CDKN2AIPNL: variants seen among roughly 807,000 people sequenced by gnomAD.
The protein encoded by CDKN2AIPNL is XRN2 binding domain containing 1.
In CDKN2AIPNL, 9 loss-of-function variants were observed where a neutral mutation model predicts 12.9. The ratio of observed to expected loss-of-function variants is 0.70; its 90% CI spans 0.42 to 1.22. The LOEUF is 1.22. CDKN2AIPNL is among the 50% of genes most tolerant of loss of function. CDKN2AIPNL has a pLI of 0.00. For synonymous variants in CDKN2AIPNL, 53 were observed against 61.7 expected, an observed-to-expected ratio of 0.86 and a Z score of 0.66; for missense variants, 143 against 153.6, an observed-to-expected ratio of 0.93 and a Z score of 0.37.
At chr5:134,403,399 T>A (rs1237842708) in intron 2 of CDKN2AIPNL, among the ~76,000 whole-genome samples, 1 of 152,258 alleles carries the variant, frequency 6.6e-6, no homozygotes, top group African/African-American at 2.4e-5. Context: ...CAAATAGTGG[T>A]GAAATGAAGC....
At chr5:134,404,518 A>G (rs1446238510) in intron 2 of CDKN2AIPNL, among the ~76,000 whole-genome samples, 1 of 152,066 alleles carries the variant, frequency 6.6e-6, no homozygotes, top group Non-Finnish European at 1.5e-5. Context: ...GTTGCAACAA[A>G]AGTCTCACTA....
At chr5:134,408,440 C>A (rs1055178740) in intron 2 of CDKN2AIPNL, among the ~76,000 whole-genome samples, 3 of 146,404 alleles carry the variant, frequency 2.0e-5, no homozygotes, top group Non-Finnish European at 3.0e-5. Flanking sequence ...GAGGCCGAGG[C>A]GGGCGGATCA....
At chr5:134,410,794 C>G in intron 1 of CDKN2AIPNL, 3 of 556,936 alleles carry the variant, frequency 5.4e-6, no homozygotes, top group Non-Finnish European at 9.6e-6. Flanking sequence ...TGACCAGAGT[C>G]AGGCAGCCAT....
chr5:134,403,095 T>C (rs1259305294), intron 2 of CDKN2AIPNL, among the ~76,000 whole-genome samples, 169 bp from the exon 3 acceptor site: 1 of 152,230 alleles, frequency 6.6e-6, no homozygotes, highest in African/African-American at 2.4e-5. Flanking sequence ...CAGCAAAACA[T>C]TGACCACAGC....
At chr5:134,410,905 C>A in intron 1 of CDKN2AIPNL, 1 of 645,462 alleles carries the variant, frequency 1.5e-6, no homozygotes, top group Non-Finnish European at 2.8e-6. Flanking sequence ...GATTTGCCAC[C>A]TTCCTCATGG....
At chr5:134,403,821 T>C (rs149916213) in intron 2 of CDKN2AIPNL, among the ~76,000 whole-genome samples, 2,012 of 152,306 alleles carry the variant, frequency 0.013, 29 homozygotes, top group African/African-American at 0.043. Flanking sequence ...AGATGGGGTT[T>C]CACCATTTTG....
chr5:134,411,673 A>T lies in CDKN2AIPNL; in HGVS notation c.182T>A (p.Leu61Gln), dbSNP rs1379407061. 6.2e-7 allele frequency: 1 copy of T among 1,613,028 alleles called. No individual in the cohort carries two copies. The highest frequency in any genetic ancestry group is 8.5e-7 in the Non-Finnish European group (1 of 1,179,782). ...YRDPPDGSGR[L>Q]DQLLSLSMVW... is the part of the protein sequence containing the mutation. ...CATGGAGAGGGAGAGCAGCTGGTCC[A>T]GGCGGCCACTGCCGTCGGGCGGGTC... The change falls in exon 1 of 3, where the codon CTG (leucine) becomes CAG (glutamine). Residue 61 changes from leucine (L) to glutamine (Q), a missense_variant. Physicochemically the swap from Leu to Gln is moderately radical, Grantham distance 113 (BLOSUM62 -2). Coordinates refer to ENST00000458198, the MANE Select transcript of CDKN2AIPNL (RefSeq NM_080656.3).
rs1162195298 is a variant in CDKN2AIPNL at position 134,402,326 on chromosome 5, C to T, written c.*589G>A. On this transcript the variant is annotated 3_prime_UTR_variant, in exon 3 of 3. Transcript: ENST00000458198. ...TGTTGGCCAGGCTGGTCTCAAACTC[C>T]TAACCTCAGGTGATCTGCTCACCTC... is the stretch of plus-strand genomic sequence containing the variant. The T allele has an allele frequency of 6.6e-6, 1 of 152,124 alleles. No individual in the cohort carries two copies. The highest frequency in any genetic ancestry group is 2.4e-5 in the African/African-American group (1 of 41,420). 9.4% of individuals were successfully genotyped at this position (152,124 alleles called of 1,614,324 possible). A position where few individuals can be genotyped will look rare whatever the true frequency, so the allele number is the denominator to read the frequency against.
rs1759174315 is a variant in CDKN2AIPNL, at chr5:134,410,405, G to GT, written c.240-404dup. 2 of 164,576 alleles carry GT rather than the reference G, an allele frequency of 1.2e-5. 1 individual carries two copies. The allele number at this position is 164,576 out of a possible 1,614,324, so 10.2% of individuals were successfully genotyped here. A position where few individuals can be genotyped will look rare whatever the true frequency, so the allele number is the denominator to read the frequency against. ...CTCCCAAAGTGCTAGGATTACTGGC[G>GT]TGAGACACCGTGCCTGGCCCTGTGA... On this transcript the variant is annotated intron_variant, in intron 1 of 2. Transcript: ENST00000458198.
chr5:134,410,883 A>G (rs768116344), intron 1 of CDKN2AIPNL: 10 of 632,666 alleles, frequency 1.6e-5, no homozygotes, highest in Non-Finnish European at 2.8e-5. Flanking sequence ...GCTCTCTAAT[A>G]GGGAGTCTCA....
At chr5:134,411,539 T>G in intron 1 of CDKN2AIPNL, 77 bp downstream of exon 1, 1 of 1,303,842 alleles carries the variant, frequency 7.7e-7, no homozygotes. Context: ...GAGGTTCGGG[T>G]CAGGGGTGAG....
At chr5:134,411,297 T>G (rs922125616) in intron 1 of CDKN2AIPNL, among the ~76,000 whole-genome samples, 2 of 152,160 alleles carry the variant, frequency 1.3e-5, no homozygotes, top group African/African-American at 4.8e-5. Flanking sequence ...ACTGCAAAGG[T>G]GATGGTTTGA....
At position 134,411,832 on chromosome 5, in the gene CDKN2AIPNL, G is replaced by A. The variant is rs749977806; in HGVS notation, c.23C>T (p.Ala8Val). ...CCCCGAAACCAGCTCCTCCACTGCG[G>A]CAGCCGCCTCGCCACCGACCATGGT... MVGGEAA[A>V]AVEELVSGVR... is the part of the protein sequence containing the mutation. Residue 8 changes from alanine (A) to valine (V), a missense_variant, in exon 1 of 3, where the codon GCC becomes GTC. Ala to Val is a moderately conservative substitution (Grantham distance 64). Transcript: ENST00000458198. 1 of 1,575,904 alleles carries A rather than the reference G, an allele frequency of 6.3e-7. No homozygotes were observed. The highest frequency in any genetic ancestry group is 8.6e-7 in the Non-Finnish European group (1 of 1,162,038).
Position 134,411,201 on chromosome 5 carries a change from T to C in CDKN2AIPNL, c.239+415A>G, listed in dbSNP as rs988834982. 2.1e-5 allele frequency: 14 copies of C among 669,990 alleles called. No individual in the cohort carries two copies. In the East Asian group the frequency reaches 3.5e-4, roughly 17 times the overall value. The allele number at this position is 669,990 out of a possible 1,614,324, so 41.5% of individuals were successfully genotyped here. On this transcript the variant is annotated intron_variant, in intron 1 of 2. Transcript: ENST00000458198. The stretch of plus-strand genomic sequence containing the variant: ...AGGTATATCACTTCTCTCCCTAAGC[T>C]TTTTCATCTGTAAAATGGGGATCTC...
intron 1 of CDKN2AIPNL, chr5:134,411,173 C>T: frequency 1.4e-6 from 1 of 698,898 alleles, no homozygotes; most frequent in South Asian, 1.5e-5. Flanking sequence ...GCTGCATGGC[C>T]CCAGGTATAT....
intron 2 of CDKN2AIPNL, among the ~76,000 whole-genome samples, chr5:134,406,412 C>T (rs757645371): frequency 3.9e-5 from 6 of 152,166 alleles, no homozygotes; most frequent in Non-Finnish European, 8.8e-5. Flanking sequence ...TATGGGCTGG[C>T]AATGTTGCCT....
At position 134,402,840 on chromosome 5, in the gene CDKN2AIPNL, T is replaced by C; in HGVS notation, c.*75A>G. ...ACCAGGAGTCTTAAGAGAGCTGCTG[T>C]GGTCTATGTCACATTCATCCCAGCC... On this transcript the variant is annotated 3_prime_UTR_variant, in exon 3 of 3. Transcript: ENST00000458198. 7.6e-7 allele frequency: 1 copy of C among 1,316,290 alleles called. No homozygotes were observed. The allele number at this position is 1,316,290 out of a possible 1,614,324, so 81.5% of individuals were successfully genotyped here.
intron 2 of CDKN2AIPNL, among the ~76,000 whole-genome samples, chr5:134,403,661 GT>G (rs1759060364): frequency 1.3e-5 from 2 of 152,218 alleles, no homozygotes; most frequent in South Asian, 2.1e-4. Context: ...GTCTCACTCT[GT>G]TACCCAGGCT....
At chr5:134,407,326 G>A (rs1759120855) in intron 2 of CDKN2AIPNL, among the ~76,000 whole-genome samples, 1 of 150,352 alleles carries the variant, frequency 6.7e-6, no homozygotes, top group Non-Finnish European at 1.5e-5. Flanking sequence ...ATAATGTTTG[G>A]GACGTGCCAA....
Sources: allele counts gnomAD v4.1 joint callset (sites outside exome capture counted in the v4.1 genomes callset), GRCh38; gene constraint gnomAD v4.1.1; transcripts MANE v1.5; gene names NCBI Gene and HGNC (gene_info 2026-07-23, HGNC 2026-07-21).